The following ABCA13 variants were observed in gnomAD, a reference collection of about 807,000 sequenced individuals.
The protein encoded by ABCA13 is ATP-binding cassette sub-family A member 13.
ABCA13 carries 476 observed loss-of-function variants against 478.7 expected under a neutral mutation model. The ratio of observed to expected loss-of-function variants is 0.99; its 90% CI spans 0.92 to 1.07. ABCA13 has a LOEUF of 1.07. ABCA13 is among the 50% of genes least tolerant of loss of function. The pLI, the probability that ABCA13 is intolerant of heterozygous loss-of-function variation, is 0.00. For missense variants in ABCA13, 6,060 were observed against 5,910.6 expected (o/e 1.03, Z -0.83); for synonymous variants, 2,252 against 2,158.9 (o/e 1.04, Z -1.20).
At chr7:48,519,955 C>A in intron 52 of ABCA13, 86 bp from the exon 53 acceptor site, 1 of 1,359,876 alleles carries the variant, frequency 7.4e-7, no homozygotes, top group African/African-American at 1.5e-5. Flanking sequence ...ACAGAGCTAA[C>A]CAAGGAGAAA....
Position 48,279,536 on chromosome 7 carries a change from C to G in ABCA13, c.8342C>G (p.Ala2781Gly), listed in dbSNP as rs772161213. Residue 2781 changes from alanine (A) to glycine (G), a missense_variant, in exon 18 of 62, where the codon GCC becomes GGC. Transcript: ENST00000435803. ...AAAACCATAGAAACAGTTTTAGAGG[C>G]CTCCAGTGGAATTAAAAGTGACTAT... Reference protein sequence around the residue: ...LLKTIETVLEASSGIKSDYEG... With the variant: ...LLKTIETVLEGSSGIKSDYEG... 1.2e-6 allele frequency: 2 copies of G among 1,613,262 alleles called. No individual in the cohort carries two copies. Among genetic ancestry groups the G allele is most frequent in the African/African-American group, 1.3e-5 (1 of 74,870 alleles).
intron 15 of ABCA13, among the ~76,000 whole-genome samples, chr7:48,252,604 TTA>T (rs1792746725): frequency 6.6e-6 from 1 of 152,320 alleles, no homozygotes; most frequent in Non-Finnish European, 1.5e-5. Context: ...AAATATACGA[TTA>T]TAATCTTACG....
At chr7:48,470,071 G>C (rs2217710) in intron 44 of ABCA13, among the ~76,000 whole-genome samples, 17,610 of 152,230 alleles carry the variant, frequency 0.12, 1,241 homozygotes, top group Admixed American at 0.16. Flanking sequence ...CCACTTTAGG[G>C]AAATGCTTTG....
chr7:48,370,042 G>A (rs2117089), intron 32 of ABCA13, among the ~76,000 whole-genome samples: 12,466 of 152,040 alleles, frequency 0.082, 569 homozygotes, highest in East Asian at 0.16. Flanking sequence ...TGTTTCCTTT[G>A]TTTGCGTCAT....
intron 15 of ABCA13, among the ~76,000 whole-genome samples, chr7:48,256,621 C>T (rs6957283): frequency 0.73 from 110,849 of 152,014 alleles, 41,169 homozygotes; most frequent in East Asian, 0.99. Context: ...TGTGGCCTTA[C>T]TTCTGGGCTC....
intron 41 of ABCA13, among the ~76,000 whole-genome samples, chr7:48,425,856 C>T (rs938512080): frequency 6.6e-6 from 1 of 152,060 alleles, no homozygotes; most frequent in African/African-American, 2.4e-5. Flanking sequence ...ATTCTCCTGC[C>T]TCAGCCTCCG....
At chr7:48,417,156 C>A (rs1327357414) in intron 41 of ABCA13, among the ~76,000 whole-genome samples, 1 of 152,194 alleles carries the variant, frequency 6.6e-6, no homozygotes, top group East Asian at 1.9e-4. Flanking sequence ...CAGGATCCCC[C>A]AGCTTTTCCA....
chr7:48,596,915 A>AATCAGTAG (rs1270829442), intron 58 of ABCA13, among the ~76,000 whole-genome samples: 1 of 152,150 alleles, frequency 6.6e-6, no homozygotes, highest in East Asian at 1.9e-4. Context: ...TGAATCATAT[A>AATCAGTAG]ATCAGTAGTC....
chr7:48,544,277 T>C (rs1784616359), intron 55 of ABCA13, among the ~76,000 whole-genome samples: 1 of 151,774 alleles, frequency 6.6e-6, no homozygotes, highest in Non-Finnish European at 1.5e-5. Flanking sequence ...TAGACCCATT[T>C]CCAAGCCTAC....
At chr7:48,341,638 T>C (rs894311427) in intron 29 of ABCA13, among the ~76,000 whole-genome samples, 2 of 151,742 alleles carry the variant, frequency 1.3e-5, no homozygotes, top group Admixed American at 6.6e-5. Context: ...TCAATTTTTA[T>C]TAGTCTTAAA....
intron 15 of ABCA13, among the ~76,000 whole-genome samples, chr7:48,267,426 A>C (rs573652357): frequency 4.6e-5 from 7 of 152,220 alleles, no homozygotes; most frequent in Non-Finnish European, 7.4e-5. Context: ...TTATCATCTG[A>C]AACCTACTTT....
At chr7:48,289,433 A>G in intron 20 of ABCA13, among the ~76,000 whole-genome samples, 1 of 148,272 alleles carries the variant, frequency 6.7e-6, no homozygotes, top group South Asian at 2.1e-4. Flanking sequence ...ATCTCGGCTC[A>G]CTGCAACCTC....
At chr7:48,440,017 T>C (rs1585328431) in intron 42 of ABCA13, among the ~76,000 whole-genome samples, 1 of 152,198 alleles carries the variant, frequency 6.6e-6, no homozygotes, top group African/African-American at 2.4e-5. Flanking sequence ...CCTCTCTTCA[T>C]ATTTATTAGC....
chr7:48,590,939 T>G (rs1789668917), intron 57 of ABCA13, among the ~76,000 whole-genome samples: 1 of 152,094 alleles, frequency 6.6e-6, no homozygotes, highest in South Asian at 2.1e-4. Flanking sequence ...TTTGTTGATA[T>G]TTTCCTTTCT....
intron 38 of ABCA13, among the ~76,000 whole-genome samples, chr7:48,402,386 T>C (rs1817724520): frequency 6.6e-6 from 1 of 152,218 alleles, no homozygotes; most frequent in South Asian, 2.1e-4. Context: ...CAGCTGGGAA[T>C]GTGTTGGGAG....
intron 15 of ABCA13, among the ~76,000 whole-genome samples, chr7:48,268,447 C>G (rs1389254661): frequency 1.3e-5 from 2 of 152,188 alleles, no homozygotes; most frequent in African/African-American, 4.8e-5. Flanking sequence ...GCGTGAGCCA[C>G]CACACCCGGA....
Position 48,272,735 on chromosome 7 carries a change from A to G in ABCA13, c.3069A>G (p.Gly1023=). ...TTAAGACAGCAGAGGTTCTTGGGGGAATTTCTAATGTATCTTACTGTCAGC... is the reference window on the plus strand; with the variant it reads ...TTAAGACAGCAGAGGTTCTTGGGGGGATTTCTAATGTATCTTACTGTCAGC... ...FLFKTAEVLG[G]ISNVSYCQQL... is the part of the protein sequence containing the mutation. The change falls in exon 17 of 62, where the codon GGA becomes GGG. Residue 1023 remains glycine (G), a synonymous_variant. Transcript: ENST00000435803. 1.2e-6 allele frequency: 2 copies of G among 1,610,128 alleles called. No homozygotes were observed. The highest frequency in any genetic ancestry group is 8.5e-7 in the Non-Finnish European group (1 of 1,177,648).
Position 48,272,097 on chromosome 7 carries a change from T to C in ABCA13, c.2431T>C (p.Trp811Arg). The change falls in exon 17 of 62, where the codon TGG (tryptophan) becomes CGG (arginine). Residue 811 changes from tryptophan (W) to arginine (R), a missense_variant. By Grantham distance (101) the Trp-to-Arg change is moderately radical (BLOSUM62 -3). This residue lies in a region of ABCA13 where 4,423 missense variants were observed against 4,309.1 expected (regional missense o/e 1.03). Coordinates refer to ENST00000435803, the MANE Select transcript of ABCA13 (RefSeq NM_152701.5). ...IWKMQTLGSH[W>R]IRKEPKNLLR... ...GAAAATGCAGACTCTCGGAAGTCAC[T>C]GGATAAGGAAGGAACCAAAAAATCT... 2 of 1,613,764 alleles carry C rather than the reference T, an allele frequency of 1.2e-6. No homozygotes were observed. Among genetic ancestry groups the C allele is most frequent in the Non-Finnish European group, 1.7e-6 (2 of 1,179,762 alleles).
chr7:48,469,085 C>A (rs1451856465), intron 44 of ABCA13, among the ~76,000 whole-genome samples: 1 of 152,164 alleles, frequency 6.6e-6, no homozygotes, highest in East Asian at 1.9e-4. Context: ...CTTTCCTCAC[C>A]CATTCTTGTT....
Sources: gnomAD v4.1 joint callset for allele counts (sites outside exome capture counted in the v4.1 genomes callset) on GRCh38, gnomAD v4.1.1 for gene constraint, gnomAD v4.1.1 regional missense constraint, MANE v1.5 for transcripts, NCBI Gene and HGNC (gene_info 2026-07-23, HGNC 2026-07-21) for gene names.